The following ARHGAP23 variants were observed in gnomAD, a reference collection of about 807,000 sequenced individuals.
ARHGAP23 encodes the protein Rho GTPase activating protein 23.
ARHGAP23 carries 34 observed loss-of-function variants against 136.3 expected under a neutral mutation model. The ratio of observed to expected loss-of-function variants is 0.25; its 90% CI spans 0.19 to 0.33. The LOEUF is 0.33. ARHGAP23 is among the 10% of genes least tolerant of loss of function. The probability of loss-of-function intolerance (pLI) is 1.00; values close to 1 mark genes in which losing one functional copy is unlikely to be tolerated. For synonymous variants in ARHGAP23, 832 were observed against 920.5 expected (o/e 0.90, Z 1.74); for missense variants, 1,808 against 2,139.0 (o/e 0.85, Z 3.05).
At position 38,510,495 on chromosome 17, in the gene ARHGAP23, G is replaced by A. The variant is rs2040735178; in HGVS notation, c.3999G>A (p.Ala1333=). 6.9e-6 allele frequency: 8 copies of A among 1,155,900 alleles called. No homozygotes were observed. Among genetic ancestry groups the A allele is most frequent in the Non-Finnish European group, 7.4e-6 (7 of 940,528 alleles). The allele number at this position is 1,155,900 out of a possible 1,614,324, so 71.6% of individuals were successfully genotyped here. The stretch of plus-strand genomic sequence containing the variant: ...GGGGCCGCCCAGACGGCGAGGGCGC[G>A]GGCCGGGGCGGTCCCCGCGCCCCGG... ...LARGRPDGEG[A]GRGGPRAPEP... Residue 1333 remains alanine, a synonymous_variant, in exon 24 of 24, where the codon GCG becomes GCA. Transcript: ENST00000622683. The surrounding 1 kb of genome is among the most constrained non-coding windows in gnomAD (Gnocchi z 4.6).
At chr17:38,472,052 C>A (rs949085475) in intron 11 of ARHGAP23, 46 bp downstream of exon 11, 4 of 1,484,510 alleles carry the variant, frequency 2.7e-6, no homozygotes, top group Middle Eastern at 4.8e-4. Context: ...CCAGCAGAAC[C>A]CTCCAGCCTC....
rs1306284144 is a variant in ARHGAP23 at position 38,463,389 on chromosome 17, C to G, written c.483+7C>G. 2.6e-6 allele frequency: 4 copies of G among 1,551,670 alleles called. No individual in the cohort carries two copies. The highest frequency in any genetic ancestry group is 3.5e-6 in the Non-Finnish European group (4 of 1,146,956). ...CGAGGACATCCTCCAGCTGGTGAGT[C>G]CAGCCCCTGTGGCCTGAGAGGAGAC... On this transcript the variant is annotated splice_region_variant and intron_variant, in intron 6 of 23. Transcript: ENST00000622683.
chr17:38,504,978 C>CTTTTTTTTTTTTTT lies in ARHGAP23; in HGVS notation c.3447+4382_3447+4395dup, dbSNP rs71138627. Among the ~76,000 whole-genome samples the CTTTTTTTTTTTTTT allele has an allele frequency of 2.5e-4, 11 of 43,168 alleles. 4 individuals are homozygous for CTTTTTTTTTTTTTT. The highest frequency in any genetic ancestry group is 4.4e-4 in the Non-Finnish European group (9 of 20,290). The allele number at this position is 43,168 out of a possible 152,430, so 28.3% of individuals were successfully genotyped here. A position where few individuals can be genotyped will look rare whatever the true frequency, so the allele number is the denominator to read the frequency against. ...ATTACTCAGAAGCCTCCCTTATCAT[C>CTTTTTTTTTTTTTT]TTTTTTTTTTTTTTTTTTTTTTTTT... is the stretch of plus-strand genomic sequence containing the variant. On this transcript the variant is annotated intron_variant, in intron 23 of 23. Transcript: ENST00000622683.
At chr17:38,473,468 G>A (rs1054727845) in intron 11 of ARHGAP23, among the ~76,000 whole-genome samples, 15 of 152,200 alleles carry the variant, frequency 9.9e-5, no homozygotes, top group African/African-American at 3.6e-4. Context: ...TGTGGATTAA[G>A]TGAGGGTGAA....
chr17:38,423,517 G>A (rs966424474), upstream of ARHGAP23, among the ~76,000 whole-genome samples: 3 of 151,734 alleles, frequency 2.0e-5, no homozygotes, highest in Admixed American at 6.6e-5. Context: ...GATTACAGGC[G>A]CACACCACCA....
intron 1 of ARHGAP23, among the ~76,000 whole-genome samples, chr17:38,421,062 G>A (rs8079899): frequency 0.25 from 38,608 of 151,782 alleles, 5,633 homozygotes; most frequent in African/African-American, 0.4. Context: ...GCCTTCATCA[G>A]CCCTCCGTAA....
chr17:38,506,771 T>G (rs1031593646), intron 23 of ARHGAP23, among the ~76,000 whole-genome samples: 1 of 152,084 alleles, frequency 6.6e-6, no homozygotes, highest in Non-Finnish European at 1.5e-5. Flanking sequence ...AAACTGGGGG[T>G]TAGGGCTTCC....
intron 16 of ARHGAP23, among the ~76,000 whole-genome samples, 153 bp downstream of exon 16, chr17:38,482,831 C>A (rs1445279036): frequency 6.6e-6 from 1 of 152,182 alleles, no homozygotes; most frequent in East Asian, 1.9e-4. Context: ...CAAGATGGGA[C>A]CTGCCCCCGC....
intron 20 of ARHGAP23, among the ~76,000 whole-genome samples, chr17:38,495,490 C>T (rs978185790): frequency 5.9e-5 from 9 of 152,182 alleles, no homozygotes; most frequent in African/African-American, 2.2e-4. Context: ...GCCTCAGCCT[C>T]CCAAAGTGCT....
intron 23 of ARHGAP23, among the ~76,000 whole-genome samples, chr17:38,501,460 T>C (rs2040518305): frequency 6.6e-6 from 1 of 151,920 alleles, no homozygotes; most frequent in Non-Finnish European, 1.5e-5. Flanking sequence ...CACCATCACG[T>C]CCAGCTAATT....
intron 1 of ARHGAP23, chr17:38,454,198 G>A (rs967960085): frequency 2.6e-5 from 4 of 153,028 alleles, no homozygotes; most frequent in African/African-American, 9.6e-5. Flanking sequence ...GTCTGAGTGG[G>A]ACTGGGTCAC....
intron 23 of ARHGAP23, among the ~76,000 whole-genome samples, chr17:38,508,873 A>G (rs1010697340): frequency 6.6e-6 from 1 of 152,056 alleles, no homozygotes; most frequent in African/African-American, 2.4e-5. Flanking sequence ...TGGATTCTCA[A>G]TGGGAAGAAG....
rs571662439 is a variant in ARHGAP23, at chr17:38,467,142, G to A, written c.1459G>A (p.Asp487Asn). 25 of 1,549,664 alleles carry A rather than the reference G, an allele frequency of 1.6e-5. No homozygotes were observed. In the African/African-American group the frequency reaches 1.9e-4, roughly 12 times the overall value. ...ALEPPAEDRG[D>N]EVVLRQKPPT... is the part of the protein sequence containing the mutation. ...GGAGCCTCCTGCGGAGGATCGCGGC[G>A]ATGAGGTGGTCCTGAGGCAGAAGCC... Residue 487 changes from aspartate (D) to asparagine (N), a missense_variant, in exon 7 of 24, where the codon GAT becomes AAT. This residue lies in a region of ARHGAP23 where 859 missense variants were observed against 936.4 expected (regional missense o/e 0.92). Transcript: ENST00000622683.
intron 1 of ARHGAP23, among the ~76,000 whole-genome samples, chr17:38,429,599 G>A (rs1444028434): frequency 2.0e-5 from 3 of 152,130 alleles, no homozygotes; most frequent in Non-Finnish European, 4.4e-5. Flanking sequence ...AGACTGGTGT[G>A]TTCCTTGGTT....
At chr17:38,475,033 C>A (rs991144804) in intron 11 of ARHGAP23, among the ~76,000 whole-genome samples, 1 of 152,214 alleles carries the variant, frequency 6.6e-6, no homozygotes, top group Non-Finnish European at 1.5e-5. Flanking sequence ...CTGGCCAGTT[C>A]TGGAGGACCA....
At chr17:38,503,697 C>T (rs1215320385) in intron 23 of ARHGAP23, among the ~76,000 whole-genome samples, 2 of 152,244 alleles carry the variant, frequency 1.3e-5, no homozygotes, top group Non-Finnish European at 1.5e-5. Context: ...TAGCAGTTAC[C>T]GCTTCCCAGT....
At chr17:38,450,840 C>G (rs2039144948) in intron 1 of ARHGAP23, 1 of 152,262 alleles carries the variant, frequency 6.6e-6, no homozygotes, top group African/African-American at 2.4e-5. Context: ...GGAGGGAAGA[C>G]TGGATGCCCT....
intron 1 of ARHGAP23, among the ~76,000 whole-genome samples, chr17:38,422,450 C>T (rs1194786226): frequency 6.6e-6 from 1 of 152,162 alleles, no homozygotes; most frequent in Non-Finnish European, 1.5e-5. Context: ...CACCGGCCTT[C>T]CCTGACAGGG....
chr17:38,498,914 C>T (rs1166836973), intron 22 of ARHGAP23: 2 of 665,946 alleles, frequency 3.0e-6, no homozygotes, highest in Non-Finnish European at 2.7e-6. Context: ...CTCTTCTCCT[C>T]CCCCTCCCCT....
Sources: gnomAD v4.1 joint callset for allele counts (sites outside exome capture counted in the v4.1 genomes callset) on GRCh38, gnomAD v4.1.1 for gene constraint, gnomAD v4.1.1 regional missense constraint, Gnocchi (gnomAD v3.1) non-coding constraint, MANE v1.5 for transcripts, NCBI Gene and HGNC (gene_info 2026-07-23, HGNC 2026-07-21) for gene names.